GAL3ST1: variants seen among roughly 807,000 people sequenced by gnomAD.
GAL3ST1 encodes the protein galactosylceramide sulfotransferase.
In GAL3ST1, 13 loss-of-function variants were observed where a neutral mutation model predicts 25.0. That is an observed-to-expected ratio of 0.52 (90% CI 0.34 to 0.83). The LOEUF is 0.83. GAL3ST1 is among the 40% of genes least tolerant of loss of function. GAL3ST1 has a pLI of 0.02. For missense variants in GAL3ST1, 474 were observed against 613.6 expected (o/e 0.77, Z 2.40); for synonymous variants, 274 against 277.8 (o/e 0.99, Z 0.14).
rs1601918462 is a variant in GAL3ST1 at position 30,555,387 on chromosome 22, C to T, written c.838G>A (p.Ala280Thr). The T allele has an allele frequency of 6.2e-7, 1 of 1,608,818 alleles. No homozygotes were observed. Among genetic ancestry groups the T allele is most frequent in the African/African-American group, 1.3e-5 (1 of 74,998 alleles). ...LEDVLYFKLN[A>T]RRDSPVPRLS... ...CGCGGCACGGGCGAGTCGCGGCGGG[C>T]GTTGAGCTTGAAGTAGAGCACGTCC... Residue 280 changes from alanine to threonine, a missense_variant, in exon 4 of 4, where the codon GCC (alanine) becomes ACC (threonine). Ala to Thr is a moderately conservative substitution (Grantham distance 58). Coordinates refer to ENST00000406361, the MANE Select transcript of GAL3ST1 (RefSeq NM_001318104.2). This position sits in a 1 kb window ranked among gnomAD's most constrained non-coding sequence, Gnocchi z 8.6.
intron 1 of GAL3ST1, among the ~76,000 whole-genome samples, chr22:30,559,485 C>A (rs1329482065): frequency 6.6e-6 from 1 of 152,136 alleles, no homozygotes; most frequent in Non-Finnish European, 1.5e-5. Flanking sequence ...GTGATCTGCC[C>A]ACCTTGGCCT....
intron 2 of GAL3ST1, 106 bp from the exon 3 acceptor site, chr22:30,557,507 GC>G: frequency 1.6e-6 from 2 of 1,284,226 alleles, no homozygotes; most frequent in African/African-American, 1.5e-5. Flanking sequence ...CTGCTCTGTG[GC>G]CCCCCAGCAG....
rs1185905402 is a variant in GAL3ST1 at position 30,555,583 on chromosome 22, G to A, written c.642C>T (p.Leu214=). The change falls in exon 4 of 4, where the codon CTC becomes CTT. Residue 214 remains leucine, a synonymous_variant. Transcript: ENST00000406361. The surrounding 1 kb of genome is among the most constrained non-coding windows in gnomAD (Gnocchi z 8.6). ...CCAGGTCGAAGAAGAGCAGGTTTCG[G>A]AGGTAGTGGGCATTGAAGCCGTTGG... is the stretch of plus-strand genomic sequence containing the variant. The part of the protein sequence containing the change: ...YDPNGFNAHY[L]RNLLFFDLGY... The A allele has an allele frequency of 1.9e-6, 3 of 1,613,480 alleles. No individual in the cohort carries two copies. The highest frequency in any genetic ancestry group is 2.5e-6 in the Non-Finnish European group (3 of 1,180,050).
Position 30,557,297 on chromosome 22 carries a change from A to C in GAL3ST1, c.96T>G (p.Tyr32Ter). Reference protein sequence around the residue: ...FTSFLLLVYSYAVPPLHAGLA... With the variant: ...FTSFLLLVYS ...GGCCGGCATGCAGCGGGGGCACGGC[A>C]TAGGAGTACACCAGCAGCAGGAAAC... is the stretch of plus-strand genomic sequence containing the variant. Residue 32 changes from tyrosine to a stop codon, truncating the protein, a stop_gained, in exon 3 of 4, where the codon TAT becomes TAG. Coordinates refer to ENST00000406361, the MANE Select transcript of GAL3ST1 (RefSeq NM_001318104.2). LOFTEE classifies it high-confidence loss of function. 1 of 1,614,202 alleles carries C rather than the reference A, an allele frequency of 6.2e-7. No individual in the cohort carries two copies. Among genetic ancestry groups the C allele is most frequent in the Non-Finnish European group, 8.5e-7 (1 of 1,180,004 alleles).
At chr22:30,564,578 C>T (rs760720176) in intron 1 of GAL3ST1, among the ~76,000 whole-genome samples, 1 of 152,242 alleles carries the variant, frequency 6.6e-6, no homozygotes, top group Non-Finnish European at 1.5e-5. Context: ...AGATTACGCC[C>T]ATCACATTGG....
At chr22:30,571,729 T>C (rs1326924115) in intron 1 of GAL3ST1, among the ~76,000 whole-genome samples, 1 of 151,868 alleles carries the variant, frequency 6.6e-6, no homozygotes, top group Non-Finnish European at 1.5e-5. Context: ...CCAGGCTTGG[T>C]GGTGGGCGCC....
Position 30,564,264 on chromosome 22 carries a change from C to T in GAL3ST1, c.-119-5876G>A, listed in dbSNP as rs138705164. On this transcript the variant is annotated intron_variant, in intron 1 of 3. Transcript: ENST00000406361. ...TTATCATCATTACGTTCCCAGGGTCCCAGCCACAACCCCATCAAAGTGTGT... is the reference window on the plus strand; with the variant it reads ...TTATCATCATTACGTTCCCAGGGTCTCAGCCACAACCCCATCAAAGTGTGT... Among the ~76,000 whole-genome samples the T allele has an allele frequency of 2.9e-4, 44 of 152,308 alleles. 2 individuals carry two copies. The East Asian group carries it at 7.9e-3, about 27-fold the overall frequency.
At position 30,570,299 on chromosome 22, in the gene GAL3ST1, G is replaced by A. The variant is rs565610505; in HGVS notation, c.-120+4167C>T. Among the ~76,000 whole-genome samples, 9 of 152,316 alleles carry A rather than the reference G, an allele frequency of 5.9e-5. No individual in the cohort carries two copies. In the South Asian group the frequency reaches 1.9e-3, roughly 32 times the overall value. On this transcript the variant is annotated intron_variant, in intron 1 of 3. Transcript: ENST00000406361. ...CTCTCCCTATGATGTTCGTAGTGCA[G>A]ATTTGACAGCAGCTATTACAGTTCT...
At chr22:30,574,265 G>A (rs2086846514) in intron 1 of GAL3ST1, among the ~76,000 whole-genome samples, 1 of 152,128 alleles carries the variant, frequency 6.6e-6, no homozygotes. Flanking sequence ...GCACCAACCT[G>A]TGCCCTCCCT....
In GAL3ST1 at chr22:30,554,796, C is replaced by T; in HGVS notation, c.*157G>A. ...TTAGGCCCTCTCTGTGTTCATGGGCCCAGTCTTGGCTGGCTGCCTCCCCCC... is the reference window on the plus strand; with the variant it reads ...TTAGGCCCTCTCTGTGTTCATGGGCTCAGTCTTGGCTGGCTGCCTCCCCCC... On this transcript the variant is annotated 3_prime_UTR_variant, in exon 4 of 4. Transcript: ENST00000406361. The T allele has an allele frequency of 1.8e-6, 1 of 568,122 alleles. No individual in the cohort carries two copies. Among genetic ancestry groups the T allele is most frequent in the African/African-American group, 1.9e-5 (1 of 52,280 alleles). 35.2% of individuals were successfully genotyped at this position (568,122 alleles called of 1,614,324 possible).
chr22:30,563,609 C>T (rs913732292), intron 1 of GAL3ST1, among the ~76,000 whole-genome samples: 8 of 151,828 alleles, frequency 5.3e-5, no homozygotes, highest in Non-Finnish European at 1.2e-4. Context: ...GAGCAAGACC[C>T]TATCTCAAAA....
At chr22:30,573,652 G>A (rs2086837430) in intron 1 of GAL3ST1, among the ~76,000 whole-genome samples, 1 of 152,236 alleles carries the variant, frequency 6.6e-6, no homozygotes, top group African/African-American at 2.4e-5. Context: ...GCAGCCCGGG[G>A]ATCAGGTGTC....
chr22:30,572,302 T>C (rs958492965), intron 1 of GAL3ST1, among the ~76,000 whole-genome samples: 1 of 152,214 alleles, frequency 6.6e-6, no homozygotes, highest in African/African-American at 2.4e-5. Context: ...GAAAAGGTAT[T>C]GACACTTGCA....
At chr22:30,569,246 A>G (rs1213015847) in intron 1 of GAL3ST1, among the ~76,000 whole-genome samples, 2 of 152,030 alleles carry the variant, frequency 1.3e-5, no homozygotes, top group African/African-American at 4.8e-5. Context: ...AACTGTAGGG[A>G]TGGGGAAGGA....
Position 30,557,370 on chromosome 22 carries a change from G to A in GAL3ST1, c.23C>T (p.Pro8Leu), listed in dbSNP as rs375791748. 3.8e-5 allele frequency: 62 copies of A among 1,614,204 alleles called. No homozygotes were observed. The African/African-American group carries it at 6.7e-4, about 17-fold the overall frequency. ...CAGCCCCTTAGCCATGGACTCCCAG[G>A]GCTTCTTCTGCGGTGGCAGCATCTC... MLPPQKK[P>L]WESMAKGLVL... Residue 8 changes from proline to leucine, a missense_variant, in exon 3 of 4, where the codon CCC becomes CTC. Physicochemically the swap from Pro to Leu is moderately conservative, Grantham distance 98. This residue lies in a region of GAL3ST1 where 115 missense variants were observed against 109.2 expected (regional missense o/e 1.05). Coordinates refer to ENST00000406361, the MANE Select transcript of GAL3ST1 (RefSeq NM_001318104.2).
At chr22:30,569,075 C>CAAAA (rs66507126) in intron 1 of GAL3ST1, among the ~76,000 whole-genome samples, 2 of 86,188 alleles carry the variant, frequency 2.3e-5, no homozygotes, top group African/African-American at 8.9e-5. Flanking sequence ...GACTCCATCT[C>CAAAA]AAAAAAAAAA....
At chr22:30,572,572 G>A (rs975024441) in intron 1 of GAL3ST1, 1 of 152,248 alleles carries the variant, frequency 6.6e-6, no homozygotes, top group African/African-American at 2.4e-5. Flanking sequence ...GGTAGGGGAA[G>A]CGGGCTCTGT....
rs146055011 is a variant in GAL3ST1, at chr22:30,562,113, C to T, written c.-119-3725G>A. 1.1e-3 allele frequency among the ~76,000 whole-genome samples: 167 copies of T among 152,200 alleles called. 2 individuals are homozygous for T. The East Asian group carries it at 0.024, about 22-fold the overall frequency. On this transcript the variant is annotated intron_variant, in intron 1 of 3. Coordinates refer to ENST00000406361, the MANE Select transcript of GAL3ST1 (RefSeq NM_001318104.2). ...TCACCCAGGCTGAAGTGAAGTGGCA[C>T]GATCATAGCTCATTGCAGCCTTGAA... is the stretch of plus-strand genomic sequence containing the variant.
chr22:30,559,335 G>A (rs1406896134), intron 1 of GAL3ST1, among the ~76,000 whole-genome samples: 1 of 151,928 alleles, frequency 6.6e-6, no homozygotes, highest in Non-Finnish European at 1.5e-5. Context: ...TTGACTCCCC[G>A]GTTCAAGCGA....
Sources: gnomAD v4.1 joint callset for allele counts (sites outside exome capture counted in the v4.1 genomes callset) on GRCh38, gnomAD v4.1.1 for gene constraint, gnomAD v4.1.1 regional missense constraint, Gnocchi (gnomAD v3.1) non-coding constraint, MANE v1.5 for transcripts, NCBI Gene and HGNC (gene_info 2026-07-23, HGNC 2026-07-21) for gene names.